Variants in POLR3E observed in about 807,000 individuals in gnomAD.
POLR3E encodes the protein RNA polymerase III subunit E, also known as DNA-directed RNA polymerase III subunit RPC5.
In POLR3E, 41 loss-of-function variants were observed where a neutral mutation model predicts 96.6. The observed-to-expected ratio is 0.42, with a 90% CI of 0.33 to 0.55. The LOEUF is 0.55. Ranked by LOEUF, POLR3E falls within the 20% of genes least tolerant of loss-of-function variation. The probability of loss-of-function intolerance (pLI) is 0.06; values close to 1 mark genes in which losing one functional copy is unlikely to be tolerated. For synonymous variants in POLR3E, 396 were observed against 383.6 expected, an observed-to-expected ratio of 1.03 and a Z score of -0.38; for missense variants, 849 against 952.1, an observed-to-expected ratio of 0.89 and a Z score of 1.43.
rs1402981674 is a variant in POLR3E at position 22,318,318 on chromosome 16, TC to T, written c.866-506del. ...CTTGTTGGCCAGGCTAGTCTCAAAT[TC>T]CTGGCCTCAAGTGATCTGCCTCCCT... is the stretch of plus-strand genomic sequence containing the variant. On this transcript the variant is annotated intron_variant, in intron 12 of 20. Transcript: ENST00000299853. The surrounding 1 kb of genome is among the most constrained non-coding windows in gnomAD (Gnocchi z 5.0). Among the ~76,000 whole-genome samples the T allele has an allele frequency of 1.3e-5, 2 of 152,194 alleles. No homozygotes were observed. The highest frequency in any genetic ancestry group is 3.8e-4 in the East Asian group (2 of 5,196).
At chr16:22,306,136 T>C (rs13338319) in intron 3 of POLR3E, among the ~76,000 whole-genome samples, 19,254 of 152,206 alleles carry the variant, frequency 0.13, 2,776 homozygotes, top group African/African-American at 0.35. Flanking sequence ...TTCCGGACTT[T>C]TCACATAGCT....
In POLR3E at chr16:22,318,748, G is replaced by A. The variant is rs767964062; in HGVS notation, c.866-78G>A. ...TCTGGGGTTATTACATGAACTTGAA[G>A]CTATGCGGACTCTCGGTGGAGGGGA... On this transcript the variant is annotated intron_variant, in intron 12 of 20. Transcript: ENST00000299853. This position sits in a 1 kb window ranked among gnomAD's most constrained non-coding sequence, Gnocchi z 5.0. The A allele has an allele frequency of 2.0e-6, 3 of 1,501,698 alleles. No individual in the cohort carries two copies. The highest frequency in any genetic ancestry group is 2.7e-6 in the Non-Finnish European group (3 of 1,099,688). 93.0% of individuals were successfully genotyped at this position (1,501,698 alleles called of 1,614,324 possible).
chr16:22,321,677 C>G (rs2048474125), intron 13 of POLR3E, among the ~76,000 whole-genome samples: 1 of 152,242 alleles, frequency 6.6e-6, no homozygotes, highest in Non-Finnish European at 1.5e-5. Context: ...AAAACCTAAG[C>G]CTCATGGCTC....
At chr16:22,302,745 C>G in intron 1 of POLR3E, 186 bp from the exon 2 acceptor site, 1 of 593,466 alleles carries the variant, frequency 1.7e-6, no homozygotes, top group East Asian at 2.8e-5. Context: ...TTCTTTTTTT[C>G]TTTATTTCTT....
intron 3 of POLR3E, chr16:22,305,413 G>C (rs1275211506): frequency 1.4e-6 from 1 of 697,066 alleles, no homozygotes; most frequent in East Asian, 2.7e-5. Flanking sequence ...AGAGGCAGAA[G>C]TGTGCAGCAG....
rs370303816 is a variant in POLR3E, at chr16:22,314,168, C to T, written c.522+40C>T. 37 of 1,552,282 alleles carry T rather than the reference C, an allele frequency of 2.4e-5. No individual in the cohort carries two copies. In the Admixed American group the frequency reaches 3.2e-4, roughly 13 times the overall value. The stretch of plus-strand genomic sequence containing the variant: ...CTGGAGGAGGAGGGTGCTGCCTGGG[C>T]GGCAGCAGGACCAGAGACCAAGGGG... On this transcript the variant is annotated intron_variant, in intron 8 of 20. Coordinates refer to ENST00000299853, the MANE Select transcript of POLR3E (RefSeq NM_018119.4).
intron 14 of POLR3E, 89 bp from the exon 15 acceptor site, chr16:22,324,261 GCTCC>G: frequency 2.0e-6 from 2 of 999,340 alleles, no homozygotes; most frequent in Non-Finnish European, 3.2e-6. Flanking sequence ...ACTGTCCCAG[GCTCC>G]AGCTCCCAGG....
At chr16:22,314,995 T>A in intron 8 of POLR3E, 94 bp from the exon 9 acceptor site, 2 of 1,338,368 alleles carry the variant, frequency 1.5e-6, no homozygotes, top group Non-Finnish European at 2.1e-6. Flanking sequence ...AAAACCCCTA[T>A]ACGGAGTTCT....
In POLR3E at chr16:22,308,132, C is replaced by A; in HGVS notation, c.88-16C>A. 1.2e-6 allele frequency: 2 copies of A among 1,607,074 alleles called. No individual in the cohort carries two copies. Among genetic ancestry groups the A allele is most frequent in the East Asian group, 4.5e-5 (2 of 44,822 alleles). On this transcript the variant is annotated splice_polypyrimidine_tract_variant and intron_variant, in intron 3 of 20. Transcript: ENST00000299853. The stretch of plus-strand genomic sequence containing the variant: ...GCTGGGCAGAGTGGACTTAATGGCT[C>A]CCTTCCCCTCCCCAGTACCCTGTGC...
chr16:22,323,971 C>T (rs1344992898), intron 14 of POLR3E, among the ~76,000 whole-genome samples: 1 of 152,164 alleles, frequency 6.6e-6, no homozygotes, highest in African/African-American at 2.4e-5. Flanking sequence ...GATGGGCGGC[C>T]TCCAACCAGC....
chr16:22,314,023 G>A (rs1372537167), intron 7 of POLR3E, 56 bp from the exon 8 acceptor site: 5 of 1,491,162 alleles, frequency 3.4e-6, no homozygotes, highest in East Asian at 4.5e-5. Context: ...GTGGGGTTGA[G>A]AGAAGGGAGG....
At position 22,326,272 on chromosome 16, in the gene POLR3E, G is replaced by T. The variant is rs758899794; in HGVS notation, c.1860G>T (p.Leu620=). The T allele has an allele frequency of 3.2e-5, 44 of 1,386,942 alleles. 2 individuals are homozygous for T. The South Asian group carries it at 5.0e-4, about 16-fold the overall frequency. The allele number at this position is 1,386,942 out of a possible 1,614,324, so 85.9% of individuals were successfully genotyped here. The part of the protein sequence containing the change: ...TVLAAGCKQI[L]VPFPPQTAAS... ...TGGCCGCCGGTTGCAAGCAGATACT[G>T]GTGCCTGTAAGTAGAGCCCTGCCTG... Residue 620 remains leucine (L), a synonymous_variant, in exon 18 of 21, where the codon CTG becomes CTT. Transcript: ENST00000299853.
chr16:22,326,356 C>A, intron 18 of POLR3E, 78 bp downstream of exon 18: 1 of 1,207,820 alleles, frequency 8.3e-7, no homozygotes, highest in Non-Finnish European at 1.2e-6. Context: ...CACGTGGGGA[C>A]ACGGGAGGCC....
chr16:22,327,972 A>G (rs551988997), intron 18 of POLR3E: 12 of 153,766 alleles, frequency 7.8e-5, no homozygotes, highest in Middle Eastern at 3.3e-3. Context: ...GGCCTGTGTC[A>G]CACTTGTCCT....
intron 20 of POLR3E, 140 bp downstream of exon 20, chr16:22,332,325 A>G: frequency 2.8e-6 from 2 of 722,502 alleles, no homozygotes; most frequent in East Asian, 2.7e-5. Flanking sequence ...GTCTTGAGCA[A>G]CTGTTAATGA....
At chr16:22,312,639 G>A (rs572992839) in intron 6 of POLR3E, among the ~76,000 whole-genome samples, 1 of 152,204 alleles carries the variant, frequency 6.6e-6, no homozygotes, top group South Asian at 2.1e-4. Flanking sequence ...GGCCAAGACG[G>A]GCAGATCACA....
At chr16:22,329,354 T>G (rs1390429631) in intron 19 of POLR3E, among the ~76,000 whole-genome samples, 1 of 152,160 alleles carries the variant, frequency 6.6e-6, no homozygotes, top group African/African-American at 2.4e-5. Flanking sequence ...AGGTGTCCAG[T>G]GCCCAGAAAT....
At position 22,322,262 on chromosome 16, in the gene POLR3E, GCCT is replaced by G. The variant is rs1598266200; in HGVS notation, c.987-587_987-585del. Among the ~76,000 whole-genome samples, 1 of 152,284 alleles carries G rather than the reference GCCT, an allele frequency of 6.6e-6. No individual in the cohort carries two copies. The highest frequency in any genetic ancestry group is 1.9e-4 in the East Asian group (1 of 5,178). The stretch of plus-strand genomic sequence containing the variant: ...GCAGGGGCTGAGCCGGGGTTGCAGG[GCCT>G]GTGGCTGGAGCTGGGTCAGGGCTAC... On this transcript the variant is annotated intron_variant, in intron 13 of 20. Coordinates refer to ENST00000299853, the MANE Select transcript of POLR3E (RefSeq NM_018119.4). This position sits in a 1 kb window ranked among gnomAD's most constrained non-coding sequence, Gnocchi z 5.2.
intron 6 of POLR3E, among the ~76,000 whole-genome samples, chr16:22,312,217 G>T (rs565731134): frequency 4.6e-5 from 7 of 152,134 alleles, no homozygotes; most frequent in African/African-American, 1.7e-4. Context: ...AATTATGGCC[G>T]GGAGTGGTGG....
Sources: allele counts gnomAD v4.1 joint callset (sites outside exome capture counted in the v4.1 genomes callset), GRCh38; gene constraint gnomAD v4.1.1; non-coding constraint Gnocchi (gnomAD v3.1); transcripts MANE v1.5; gene names NCBI Gene and HGNC (gene_info 2026-07-23, HGNC 2026-07-21).